RUNX1T1: variants seen among roughly 807,000 people sequenced by gnomAD.
RUNX1T1 encodes protein CBFA2T1.
In RUNX1T1, 4 loss-of-function variants were observed where a neutral mutation model predicts 62.8. The ratio of observed to expected loss-of-function variants is 0.06; its 90% confidence interval spans 0.03 to 0.15. RUNX1T1 has a LOEUF of 0.15. Among genes scored for constraint, RUNX1T1 ranks in the 10% least tolerant of loss-of-function variants. The pLI, the probability that RUNX1T1 is intolerant of heterozygous loss-of-function variation, is 1.00. For synonymous variants in RUNX1T1, 291 were observed against 286.0 expected, an observed-to-expected ratio of 1.02 and a Z score of -0.18; for missense variants, 508 against 754.3, an observed-to-expected ratio of 0.67 and a Z score of 3.82.
At chr8:92,092,076 A>G (rs2130909395) in intron 1 of RUNX1T1, among the ~76,000 whole-genome samples, 1 of 152,296 alleles carries the variant, frequency 6.6e-6, no homozygotes, top group Non-Finnish European at 1.5e-5. Context: ...TATAGCCACA[A>G]GCCCACCAAA....
At chr8:92,050,889 AC>A (rs1830128471) in intron 1 of RUNX1T1, among the ~76,000 whole-genome samples, 2 of 152,258 alleles carry the variant, frequency 1.3e-5, no homozygotes, top group South Asian at 4.1e-4. Context: ...GGCTCAAGCT[AC>A]CCTGACCTTT....
rs909650296 is a variant in RUNX1T1, at chr8:92,062,666, G to C, written c.-114C>G. 3.1e-6 allele frequency: 5 copies of C among 1,613,466 alleles called. No individual in the cohort carries two copies. In the African/African-American group the frequency reaches 5.3e-5, roughly 17 times the overall value. On this transcript the variant is annotated 5_prime_UTR_variant, in exon 1 of 11. Transcript: ENST00000396218. ...CAGCAGAGAGGAGGGCCATCAGAGG[G>C]GCTGGGGCGGCATCGCCGGAGGCAG...
intron 1 of RUNX1T1, among the ~76,000 whole-genome samples, chr8:92,051,576 ACT>A (rs936774579): frequency 1.4e-5 from 2 of 147,258 alleles, no homozygotes; most frequent in Non-Finnish European, 3.0e-5. Context: ...ACATACACAC[ACT>A]CTCTCTCTCA....
At chr8:92,085,803 A>C (rs1450602732) in intron 1 of RUNX1T1, among the ~76,000 whole-genome samples, 1 of 152,206 alleles carries the variant, frequency 6.6e-6, no homozygotes, top group African/African-American at 2.4e-5. Context: ...CAATAACTAA[A>C]ATCTCTCACA....
At chr8:92,060,829 T>C (rs1173739462) in intron 1 of RUNX1T1, among the ~76,000 whole-genome samples, 1 of 152,072 alleles carries the variant, frequency 6.6e-6, no homozygotes, top group Non-Finnish European at 1.5e-5. Flanking sequence ...AAGTGTCAAA[T>C]CTGCTCAAGT....
At chr8:92,095,858 G>A (rs1248756346) in intron 1 of RUNX1T1, among the ~76,000 whole-genome samples, 1 of 152,170 alleles carries the variant, frequency 6.6e-6, no homozygotes, top group Non-Finnish European at 1.5e-5. Flanking sequence ...CTGCTCCAGG[G>A]CTAGGCTGGA....
At chr8:91,976,102 G>A (rs1813880063) in intron 8 of RUNX1T1, 129 bp from the exon 10 acceptor site, 1 of 637,594 alleles carries the variant, frequency 1.6e-6, no homozygotes, top group East Asian at 2.7e-5. Context: ...ATTTTAAAAG[G>A]CTAAACATTT....
At chr8:92,088,965 G>A (rs1276832639) in intron 1 of RUNX1T1, among the ~76,000 whole-genome samples, 1 of 152,086 alleles carries the variant, frequency 6.6e-6, no homozygotes, top group African/African-American at 2.4e-5. Context: ...ACTTCAATTT[G>A]ACTTCCCATT....
intron 8 of RUNX1T1, among the ~76,000 whole-genome samples, chr8:91,977,891 G>A (rs1814330937): frequency 6.6e-6 from 1 of 152,116 alleles, no homozygotes. Context: ...CAGGTCAAGA[G>A]AATCTCCTGC....
Position 91,998,853 on chromosome 8 carries a change from G to A in RUNX1T1, c.659+6263C>T, listed in dbSNP as rs549048158. ...ACAGCATTTGGTTCCTGGGCTGTCT[G>A]TGGCTGTTTTTATTGTATTTCAGAG... is the stretch of plus-strand genomic sequence containing the variant. On this transcript the variant is annotated intron_variant, in intron 5 of 10. Transcript: ENST00000396218. 3.3e-5 allele frequency among the ~76,000 whole-genome samples: 5 copies of A among 152,208 alleles called. No homozygotes were observed. In the South Asian group the frequency reaches 1.0e-3, roughly 32 times the overall value.
At chr8:92,081,808 T>C (rs1835317213) in intron 1 of RUNX1T1, among the ~76,000 whole-genome samples, 1 of 152,188 alleles carries the variant, frequency 6.6e-6, no homozygotes, top group South Asian at 2.1e-4. Context: ...TCTCTCTCTC[T>C]CTTTTTCCCC....
At chr8:92,095,319 G>A (rs1837626294) in intron 1 of RUNX1T1, 3 of 1,526,508 alleles carry the variant, frequency 2.0e-6, no homozygotes, top group Non-Finnish European at 2.6e-6. Flanking sequence ...CTCCCTGCTC[G>A]CCTCCCTCCC....
chr8:92,102,926 T>C, upstream of RUNX1T1: 1 of 1,509,028 alleles, frequency 6.6e-7, no homozygotes, highest in Admixed American at 2.1e-5. The surrounding 1 kb of genome is among the most constrained non-coding windows in gnomAD (Gnocchi z 4.5). Flanking sequence ...TCCCGTCGTC[T>C]CGGCCGGCCC....
chr8:92,009,167 T>C (rs1340813556), intron 4 of RUNX1T1, among the ~76,000 whole-genome samples: 4 of 152,146 alleles, frequency 2.6e-5, no homozygotes, highest in East Asian at 1.9e-4. Flanking sequence ...ATTTAAAAAA[T>C]ATGGTAATAC....
At chr8:92,068,475 C>A (rs963159226) in intron 2 of RUNX1T1, among the ~76,000 whole-genome samples, 1 of 152,132 alleles carries the variant, frequency 6.6e-6, no homozygotes, top group Admixed American at 6.5e-5. Flanking sequence ...TCCCTCAAAG[C>A]CCAGCCCACA....
intron 1 of RUNX1T1, among the ~76,000 whole-genome samples, chr8:92,086,093 A>G (rs1187103220): frequency 6.6e-6 from 1 of 152,168 alleles, no homozygotes; most frequent in African/African-American, 2.4e-5. Context: ...GTACTGAACA[A>G]ATGAATCTAG....
chr8:92,066,937 C>T (rs190294267), upstream of RUNX1T1, among the ~76,000 whole-genome samples: 3 of 152,326 alleles, frequency 2.0e-5, no homozygotes, highest in East Asian at 5.8e-4. Context: ...CAACTAAACA[C>T]ATTTACGCTA....
At chr8:92,050,443 G>A (rs183824066) in intron 1 of RUNX1T1, among the ~76,000 whole-genome samples, 350 of 152,224 alleles carry the variant, frequency 2.3e-3, no homozygotes, top group Middle Eastern at 0.014. Context: ...TGATAGATCA[G>A]GTACCTATTA....
intron 2 of RUNX1T1, among the ~76,000 whole-genome samples, chr8:92,068,441 T>G (rs1049751289): frequency 6.6e-6 from 1 of 152,138 alleles, no homozygotes; most frequent in Non-Finnish European, 1.5e-5. Context: ...CTCTGCTCTG[T>G]GCAGGCAGCC....
Sources: gnomAD v4.1 joint callset for allele counts (sites outside exome capture counted in the v4.1 genomes callset) on GRCh38, gnomAD v4.1.1 for gene constraint, Gnocchi (gnomAD v3.1) non-coding constraint, MANE v1.5 for transcripts, NCBI Gene and HGNC (gene_info 2026-07-23, HGNC 2026-07-21) for gene names.